The following AXDND1 variants were observed in gnomAD, a reference collection of about 807,000 sequenced individuals.
The protein encoded by AXDND1 is axonemal dynein light chain domain containing 1.
AXDND1 carries 110 observed loss-of-function variants against 137.5 expected under a neutral mutation model. That is an observed-to-expected ratio of 0.80 (90% CI 0.69 to 0.94). AXDND1 has a LOEUF of 0.94. AXDND1 is among the 40% of genes least tolerant of loss of function. The probability of loss-of-function intolerance (pLI) is 0.00; values close to 1 mark genes in which losing one functional copy is unlikely to be tolerated. For synonymous variants in AXDND1, 414 were observed against 399.7 expected (o/e 1.04, Z -0.43); for missense variants, 1,191 against 1,169.8 (o/e 1.02, Z -0.26).
At chr1:179,428,657 G>A (rs1656932920) in intron 12 of AXDND1, among the ~76,000 whole-genome samples, 1 of 152,272 alleles carries the variant, frequency 6.6e-6, no homozygotes, top group South Asian at 2.1e-4. Flanking sequence ...GTATGCAGTG[G>A]ATTTTTCTAG....
intron 20 of AXDND1, among the ~76,000 whole-genome samples, chr1:179,502,489 G>T (rs542724959): frequency 1.3e-5 from 2 of 150,034 alleles, no homozygotes; most frequent in South Asian, 4.2e-4. Flanking sequence ...GCTTGAACCC[G>T]GGAGGCAAAG....
At chr1:179,480,185 C>T (rs1665188009) in intron 17 of AXDND1, among the ~76,000 whole-genome samples, 1 of 152,158 alleles carries the variant, frequency 6.6e-6, no homozygotes, top group Non-Finnish European at 1.5e-5. Context: ...TTAGTCCATT[C>T]TCATGCTGCT....
intron 11 of AXDND1, among the ~76,000 whole-genome samples, chr1:179,399,624 G>T (rs1651630027): frequency 6.6e-6 from 1 of 152,294 alleles, no homozygotes; most frequent in Non-Finnish European, 1.5e-5. Flanking sequence ...GGAACAGTCA[G>T]CAGAGTAAAC....
chr1:179,445,101 T>C lies in AXDND1; in HGVS notation c.1695T>C (p.Ser565=), dbSNP rs778764443. 8.1e-6 allele frequency: 13 copies of C among 1,613,270 alleles called. No homozygotes were observed. The highest frequency in any genetic ancestry group is 9.3e-6 in the Non-Finnish European group (11 of 1,179,534). The change falls in exon 16 of 26, where the codon AGT becomes AGC. Residue 565 remains serine, a synonymous_variant. Transcript: ENST00000367618. ...TTGGGATATTTAATCGGCATAAAAG[T>C]TTGGAGGGGGAGATGCCATCAGAGC... ...IGLGIFNRHK[S]LEGEMPSERQ... is the part of the protein sequence containing the mutation.
chr1:179,446,019 A>G (rs1207190740), intron 16 of AXDND1, among the ~76,000 whole-genome samples: 2 of 152,054 alleles, frequency 1.3e-5, no homozygotes, highest in Admixed American at 6.6e-5. Flanking sequence ...CTCACTTTTA[A>G]ATTCTGGCCA....
chr1:179,379,373 A>G (rs1208778498), intron 5 of AXDND1, 24 bp from the exon 6 acceptor site: 5 of 1,600,568 alleles, frequency 3.1e-6, no homozygotes, highest in Non-Finnish European at 4.3e-6. Context: ...TCATTCTTTT[A>G]TTTTGCTTTT....
At chr1:179,401,028 G>A (rs1231116315) in intron 11 of AXDND1, among the ~76,000 whole-genome samples, 1 of 151,610 alleles carries the variant, frequency 6.6e-6, no homozygotes, top group Non-Finnish European at 1.5e-5. Flanking sequence ...GGAGGTCAAA[G>A]CGGGTGGATC....
intron 11 of AXDND1, among the ~76,000 whole-genome samples, chr1:179,397,871 T>C (rs1651319609): frequency 6.6e-6 from 1 of 152,232 alleles, no homozygotes; most frequent in South Asian, 2.1e-4. Flanking sequence ...CTGGCTATTT[T>C]GTCTGTCAGC....
At chr1:179,539,226 G>C (rs1473251227) in intron 25 of AXDND1, among the ~76,000 whole-genome samples, 1 of 152,192 alleles carries the variant, frequency 6.6e-6, no homozygotes, top group African/African-American at 2.4e-5. Context: ...ATTTGAGCCT[G>C]TCATTGTGAT....
At chr1:179,478,570 GA>G (rs1273171319) in intron 17 of AXDND1, among the ~76,000 whole-genome samples, 1 of 152,206 alleles carries the variant, frequency 6.6e-6, no homozygotes, top group African/African-American at 2.4e-5. Flanking sequence ...CCTGGCCCAT[GA>G]AGCCATTTTT....
At chr1:179,396,362 AT>A (rs1651061797) in intron 11 of AXDND1, among the ~76,000 whole-genome samples, 1 of 151,634 alleles carries the variant, frequency 6.6e-6, no homozygotes, top group Admixed American at 6.6e-5. Context: ...ATATAAAAAA[AT>A]TTGCGGCTGG....
At chr1:179,426,767 A>G (rs1171675158) in intron 12 of AXDND1, among the ~76,000 whole-genome samples, 1 of 152,268 alleles carries the variant, frequency 6.6e-6, no homozygotes, top group Non-Finnish European at 1.5e-5. Flanking sequence ...GTAGATATAT[A>G]TGTATGTGCA....
intron 21 of AXDND1, among the ~76,000 whole-genome samples, chr1:179,512,576 AT>A (rs1246204042): frequency 1.3e-5 from 2 of 151,256 alleles, no homozygotes; most frequent in Non-Finnish European, 3.0e-5. Context: ...GAATTTTAGA[AT>A]TTTTTTTTCT....
chr1:179,366,484 TAA>T lies in AXDND1; in HGVS notation c.-24_-23del. 1 of 1,567,876 alleles carries T rather than the reference TAA, an allele frequency of 6.4e-7. No individual in the cohort carries two copies. Among genetic ancestry groups the T allele is most frequent in the South Asian group, 1.1e-5 (1 of 90,038 alleles). On this transcript the variant is annotated 5_prime_UTR_variant, in exon 2 of 26. Transcript: ENST00000367618. ...TTTCCGGAGGACTATTTCAAATTACTAAAGAGATAGGAGGCATTGTTTATTAT... is the reference window on the plus strand; with the variant it reads ...TTTCCGGAGGACTATTTCAAATTACTAGAGATAGGAGGCATTGTTTATTAT...
At chr1:179,405,256 C>T (rs1652769364) in intron 11 of AXDND1, among the ~76,000 whole-genome samples, 1 of 152,148 alleles carries the variant, frequency 6.6e-6, no homozygotes, top group Admixed American at 6.6e-5. Flanking sequence ...ATGAACTCAT[C>T]CTTTTTATGG....
intron 4 of AXDND1, among the ~76,000 whole-genome samples, chr1:179,373,313 A>G (rs1188244138): frequency 6.6e-6 from 1 of 152,212 alleles, no homozygotes; most frequent in Non-Finnish European, 1.5e-5. Context: ...ACCACTGCTC[A>G]ACGAAATAAA....
At chr1:179,469,274 C>T (rs1663628636) in intron 17 of AXDND1, among the ~76,000 whole-genome samples, 1 of 152,076 alleles carries the variant, frequency 6.6e-6, no homozygotes, top group Admixed American at 6.6e-5. Flanking sequence ...ACTGTGTGGT[C>T]TTTGTGTCTA....
intron 16 of AXDND1, among the ~76,000 whole-genome samples, chr1:179,465,508 C>T (rs959777716): frequency 1.3e-5 from 2 of 152,144 alleles, no homozygotes; most frequent in Non-Finnish European, 2.9e-5. Context: ...GGCACCTGGC[C>T]GTATGAGGTG....
At chr1:179,499,170 A>G (rs1360558885) in intron 20 of AXDND1, among the ~76,000 whole-genome samples, 1 of 152,202 alleles carries the variant, frequency 6.6e-6, no homozygotes, top group Admixed American at 6.5e-5. Context: ...AAACAATAAT[A>G]GACCAAAACT....
Sources: gnomAD v4.1 joint callset for allele counts (sites outside exome capture counted in the v4.1 genomes callset) on GRCh38, gnomAD v4.1.1 for gene constraint, MANE v1.5 for transcripts, NCBI Gene and HGNC (gene_info 2026-07-23, HGNC 2026-07-21) for gene names.